Variants in SESN1 observed in about 807,000 individuals in gnomAD.
SESN1 encodes sestrin-1.
A neutral mutation model predicts 59.3 loss-of-function variants in SESN1; 30 were observed. The observed-to-expected ratio is 0.51, with a 90% CI of 0.38 to 0.69. The LOEUF (loss-of-function observed/expected upper bound fraction) is 0.69, where lower values mean the gene tolerates loss of function less well. Ranked by LOEUF, SESN1 falls within the 30% of genes least tolerant of loss-of-function variation. SESN1 has a pLI of 0.00. For synonymous variants in SESN1, 197 were observed against 219.9 expected (o/e 0.90, Z 0.92); for missense variants, 566 against 673.0 (o/e 0.84, Z 1.76).
chr6:109,004,673 G>A (rs192796561), intron 1 of SESN1, among the ~76,000 whole-genome samples: 121 of 152,086 alleles, frequency 8.0e-4, no homozygotes, highest in Non-Finnish European at 1.5e-3. Flanking sequence ...CTCGTGATGC[G>A]CCCACCTCGG....
chr6:109,091,247 A>T (rs1781313349), intron 1 of SESN1, among the ~76,000 whole-genome samples: 1 of 152,304 alleles, frequency 6.6e-6, no homozygotes, highest in African/African-American at 2.4e-5. Flanking sequence ...CAGTACAGTG[A>T]CACGCTGTAC....
chr6:109,054,915 T>C (rs11153158), intron 1 of SESN1, among the ~76,000 whole-genome samples: 16,485 of 152,244 alleles, frequency 0.11, 981 homozygotes, highest in South Asian at 0.18. Flanking sequence ...CTTTAAAAGA[T>C]CTTCCCTAAC....
At chr6:109,092,570 T>G (rs541838669) in intron 1 of SESN1, among the ~76,000 whole-genome samples, 1 of 152,226 alleles carries the variant, frequency 6.6e-6, no homozygotes, top group Admixed American at 6.5e-5. Flanking sequence ...CTATAAAAAT[T>G]ACACACAAAA....
chr6:109,037,796 A>AG (rs1017794967), intron 1 of SESN1, among the ~76,000 whole-genome samples: 3 of 152,174 alleles, frequency 2.0e-5, no homozygotes, highest in Non-Finnish European at 4.4e-5. Flanking sequence ...TATAAAAAAA[A>AG]AAGGCATAGA....
At chr6:109,035,855 G>T (rs1780241146) in intron 1 of SESN1, among the ~76,000 whole-genome samples, 1 of 152,142 alleles carries the variant, frequency 6.6e-6, no homozygotes, top group South Asian at 2.1e-4. Flanking sequence ...TGATCCTCCT[G>T]CCTCAGCCTC....
chr6:108,990,837 T>C lies in SESN1; in HGVS notation c.1234-2A>G. ...ACCATGATCTTCCCAGCAATAGTCC[T>C]AAATACAGGGAATAGAACAAATGTG... On this transcript the variant is annotated splice_acceptor_variant, in intron 7 of 9. Transcript: ENST00000436639. LOFTEE classifies it high-confidence loss of function. 1 of 1,612,374 alleles carries C rather than the reference T, an allele frequency of 6.2e-7. No homozygotes were observed. The highest frequency in any genetic ancestry group is 8.5e-7 in the Non-Finnish European group (1 of 1,178,790).
chr6:109,069,346 C>T (rs1186220461), intron 1 of SESN1, among the ~76,000 whole-genome samples: 2 of 151,804 alleles, frequency 1.3e-5, no homozygotes, highest in South Asian at 2.1e-4. Context: ...AAGTTCCATG[C>T]TAAAAGAATA....
At chr6:109,010,474 A>C (rs1218358279) in intron 1 of SESN1, among the ~76,000 whole-genome samples, 1 of 152,226 alleles carries the variant, frequency 6.6e-6, no homozygotes, top group Non-Finnish European at 1.5e-5. Context: ...TCTGACAAGG[A>C]AACAAGTGGA....
At chr6:109,011,257 G>C (rs1161905961) in intron 1 of SESN1, among the ~76,000 whole-genome samples, 1 of 152,194 alleles carries the variant, frequency 6.6e-6, no homozygotes, top group African/African-American at 2.4e-5. Context: ...CTGATACTTA[G>C]TGCTTGATAA....
At chr6:109,003,302 C>A (rs1779666163) in intron 1 of SESN1, among the ~76,000 whole-genome samples, 2 of 150,548 alleles carry the variant, frequency 1.3e-5, no homozygotes, top group South Asian at 4.2e-4. Context: ...ATTCTACTCT[C>A]TCCTTACTGC....
At chr6:109,040,260 T>A (rs1157043475) in intron 1 of SESN1, among the ~76,000 whole-genome samples, 1 of 152,186 alleles carries the variant, frequency 6.6e-6, no homozygotes, top group East Asian at 1.9e-4. Flanking sequence ...TCCTCTCCTT[T>A]ATATGACATT....
At chr6:109,019,883 T>C (rs1779982996) in intron 1 of SESN1, among the ~76,000 whole-genome samples, 1 of 152,234 alleles carries the variant, frequency 6.6e-6, no homozygotes, top group South Asian at 2.1e-4. Context: ...TACTTTAGTT[T>C]GTAGATCATA....
Position 108,998,546 on chromosome 6 carries a change from A to G in SESN1, c.939T>C (p.Asp313=). The G allele has an allele frequency of 6.2e-7, 1 of 1,613,960 alleles. No homozygotes were observed. The highest frequency in any genetic ancestry group is 1.3e-5 in the African/African-American group (1 of 75,050). Residue 313 remains aspartate, a synonymous_variant, in exon 5 of 10, where the codon GAT becomes GAC. Transcript: ENST00000436639. ...CDITNGNHSV[D]EMPVNSAENV... ...TTTCTGCTGAGTTGACCGGCATCTC[A>G]TCCACACTGTGATTGCCATTTGTAA...
intron 1 of SESN1, among the ~76,000 whole-genome samples, chr6:109,038,505 C>CA (rs1780280937): frequency 6.6e-6 from 1 of 152,038 alleles, no homozygotes; most frequent in Non-Finnish European, 1.5e-5. Context: ...TCTCAAAAAA[C>CA]AAAAAACAAC....
chr6:109,091,122 G>A (rs1232349566), intron 1 of SESN1, among the ~76,000 whole-genome samples: 1 of 152,142 alleles, frequency 6.6e-6, no homozygotes. Flanking sequence ...GTGGACTCAT[G>A]CAGTTCAAAC....
At chr6:109,023,870 T>G (rs1229921797) in intron 1 of SESN1, among the ~76,000 whole-genome samples, 1 of 152,202 alleles carries the variant, frequency 6.6e-6, no homozygotes, top group Non-Finnish European at 1.5e-5. Flanking sequence ...TTTCATATAT[T>G]TAAAGCATAA....
intron 1 of SESN1, among the ~76,000 whole-genome samples, chr6:109,012,463 C>T (rs1779875200): frequency 6.6e-6 from 1 of 152,106 alleles, no homozygotes; most frequent in Non-Finnish European, 1.5e-5. Context: ...TGCACTCAGC[C>T]TTATTTTTCT....
intron 1 of SESN1, among the ~76,000 whole-genome samples, chr6:109,047,704 G>A (rs1350273708): frequency 1.3e-4 from 19 of 146,110 alleles, no homozygotes; most frequent in Non-Finnish European, 2.5e-4. Context: ...CCGTGTCTGT[G>A]TAGAAAGAAG....
At chr6:109,016,027 A>C (rs942366379) in intron 1 of SESN1, among the ~76,000 whole-genome samples, 1 of 152,180 alleles carries the variant, frequency 6.6e-6, no homozygotes, top group Non-Finnish European at 1.5e-5. Flanking sequence ...AATAGATTAA[A>C]ACCAAACCTA....
Sources: allele counts gnomAD v4.1 joint callset (sites outside exome capture counted in the v4.1 genomes callset), GRCh38; gene constraint gnomAD v4.1.1; transcripts MANE v1.5; gene names NCBI Gene and HGNC (gene_info 2026-07-23, HGNC 2026-07-21).